The following GPR171 variants were observed in gnomAD, a reference collection of about 807,000 sequenced individuals.
GPR171 encodes the protein G protein-coupled receptor 171, also known as F730001G15Rik.
In GPR171, 14 loss-of-function variants were observed where a neutral mutation model predicts 16.7. The ratio of observed to expected loss-of-function variants is 0.84; its 90% confidence interval spans 0.55 to 1.31. The LOEUF (loss-of-function observed/expected upper bound fraction) is 1.31, where lower values mean the gene tolerates loss of function less well. Ranked by LOEUF, GPR171 falls within the 40% of genes most tolerant of loss-of-function variation. The pLI is 0.00. For synonymous variants in GPR171, 134 were observed against 135.6 expected (o/e 0.99, Z 0.08); for missense variants, 337 against 378.9 (o/e 0.89, Z 0.92).
chr3:151,199,334 G>C lies in GPR171; in HGVS notation c.53C>G (p.Thr18Arg), dbSNP rs1402399133. 1 of 1,613,076 alleles carries C rather than the reference G, an allele frequency of 6.2e-7. No individual in the cohort carries two copies. Among genetic ancestry groups the C allele is most frequent in the South Asian group, 1.1e-5 (1 of 91,060 alleles). ...AAGGAAAACTAAATAAAAAAAATACGTGAATGGCTCCAGATCTTTATAAAC... is the reference window on the plus strand; with the variant it reads ...AAGGAAAACTAAATAAAAAAAATACCTGAATGGCTCCAGATCTTTATAAAC... ...CPVYKDLEPFTYFFYLVFLVG... is the reference protein window; with the variant it reads ...CPVYKDLEPFRYFFYLVFLVG... The change falls in exon 3 of 3, where the codon ACG becomes AGG. Residue 18 changes from threonine (T) to arginine (R), a missense_variant. Physicochemically the swap from Thr to Arg is moderately conservative, Grantham distance 71. Transcript: ENST00000309180.
At chr3:151,199,490 T>A in intron 2 of GPR171, 51 bp from the exon 3 acceptor site, 1 of 1,020,480 alleles carries the variant, frequency 9.8e-7, no homozygotes. Context: ...TAGCAACTAT[T>A]TTCTTTAAAA....
rs80187285 is a variant in GPR171, at chr3:151,198,652, C to T, written c.735G>A (p.Pro245=). Residue 245 remains proline, a synonymous_variant, in exon 3 of 3, where the codon CCG becomes CCA. Transcript: ENST00000309180. ...CFVPYHIVRI[P]YTLSQTEVIT... is the part of the protein sequence containing the mutation. ...TGACTTCTGTCTGGCTGAGGGTATA[C>T]GGGATTCGGACAATGTGGTAAGGAA... is the stretch of plus-strand genomic sequence containing the variant. The T allele has an allele frequency of 1.4e-3, 2,239 of 1,613,936 alleles. 2 individuals carry two copies. Among genetic ancestry groups the T allele is most frequent in the Non-Finnish European group, 1.7e-3 (2,051 of 1,179,896 alleles).
At position 151,197,923 on chromosome 3, in the gene GPR171, A is replaced by C. The variant is rs1724896300; in HGVS notation, c.*504T>G. The C allele has an allele frequency of 6.5e-6, 1 of 152,690 alleles. No individual in the cohort carries two copies. Among genetic ancestry groups the C allele is most frequent in the South Asian group, 2.1e-4 (1 of 4,838 alleles). 9.5% of individuals were successfully genotyped at this position (152,690 alleles called of 1,614,324 possible). A position where few individuals can be genotyped will look rare whatever the true frequency, so the allele number is the denominator to read the frequency against. ...AAAAATTGGAGGAATAATGAGTTGA[A>C]AGATTACCATCTTTTGAAGTGATAG... On this transcript the variant is annotated 3_prime_UTR_variant, in exon 3 of 3. Transcript: ENST00000309180.
In GPR171 at chr3:151,198,063, A is replaced by C; in HGVS notation, c.*364T>G. On this transcript the variant is annotated 3_prime_UTR_variant, in exon 3 of 3. Transcript: ENST00000309180. Reference sequence around the variant, plus strand: ...CTTTCTGGTAACTTACATGGAAATTATTTTTTATATTTTTATCAAGAAGTC... The same window carrying C: ...CTTTCTGGTAACTTACATGGAAATTCTTTTTTATATTTTTATCAAGAAGTC... 1 of 157,428 alleles carries C rather than the reference A, an allele frequency of 6.4e-6. No individual in the cohort carries two copies. The highest frequency in any genetic ancestry group is 1.4e-5 in the Non-Finnish European group (1 of 71,606). 9.8% of individuals were successfully genotyped at this position (157,428 alleles called of 1,614,324 possible). A position where few individuals can be genotyped will look rare whatever the true frequency, so the allele number is the denominator to read the frequency against.
At position 151,198,576 on chromosome 3, in the gene GPR171, G is replaced by GT; in HGVS notation, c.810dup (p.Leu271ThrfsTer11). On this transcript the variant is annotated frameshift_variant, in exon 3 of 3. Coordinates refer to ENST00000309180, the MANE Select transcript of GPR171 (RefSeq NM_013308.4). LOFTEE classifies it high-confidence loss of function. ...CACAGGTTCGACACAGCCAGGAGCA[G>GT]TGTAGCCTCTTTGGCTTTGAAGAGT... 1 of 1,614,072 alleles carries GT rather than the reference G, an allele frequency of 6.2e-7. No individual in the cohort carries two copies. Among genetic ancestry groups the GT allele is most frequent in the Non-Finnish European group, 8.5e-7 (1 of 1,179,930 alleles).
At chr3:151,202,560 C>T (rs1323558555) in intron 1 of GPR171, among the ~76,000 whole-genome samples, 2 of 152,116 alleles carry the variant, frequency 1.3e-5, no homozygotes, top group Admixed American at 6.5e-5. Flanking sequence ...ATCCCAGCTA[C>T]TCGGGAGGCT....
At chr3:151,200,180 A>G (rs1283070104) in intron 2 of GPR171, among the ~76,000 whole-genome samples, 1 of 151,394 alleles carries the variant, frequency 6.6e-6, no homozygotes, top group Non-Finnish European at 1.5e-5. Context: ...AACTACTGTG[A>G]TCACCACTGA....
At position 151,198,506 on chromosome 3, in the gene GPR171, G is replaced by C. The variant is rs746055880; in HGVS notation, c.881C>G (p.Ser294Ter). Reference protein sequence around the residue: ...LYYHLSKAFRSKVTETFASPK... With the variant: ...LYYHLSKAFR The stretch of plus-strand genomic sequence containing the variant: ...TGAGGCAAAAGTCTCAGTGACCTTT[G>C]AGCGGAATGCTTTTGAGAGGTGATA... The change falls in exon 3 of 3, where the codon TCA becomes TGA. Residue 294 changes from serine (S) to a stop codon, truncating the protein, a stop_gained. Coordinates refer to ENST00000309180, the MANE Select transcript of GPR171 (RefSeq NM_013308.4). LOFTEE classifies it low-confidence loss of function (END_TRUNC). The C allele has an allele frequency of 1.3e-5, 21 of 1,613,568 alleles. No homozygotes were observed. Among genetic ancestry groups the C allele is most frequent in the Non-Finnish European group, 1.8e-5 (21 of 1,179,682 alleles).
Position 151,199,348 on chromosome 3 carries a change from A to G in GPR171, c.39T>C (p.Asp13=), listed in dbSNP as rs769928153. Residue 13 remains aspartate, a synonymous_variant, in exon 3 of 3, where the codon GAT becomes GAC. Coordinates refer to ENST00000309180, the MANE Select transcript of GPR171 (RefSeq NM_013308.4). ...AAAAAAAATACGTGAATGGCTCCAGATCTTTATAAACTGGGCAGAAGAACG... is the reference window on the plus strand; with the variant it reads ...AAAAAAAATACGTGAATGGCTCCAGGTCTTTATAAACTGGGCAGAAGAACG... ...NSSFFCPVYK[D]LEPFTYFFYL... The G allele has an allele frequency of 1.9e-6, 3 of 1,613,128 alleles. No homozygotes were observed. The African/African-American group carries it at 4.0e-5, about 22-fold the overall frequency.
At chr3:151,200,322 A>AT (rs1334531516) in intron 2 of GPR171, among the ~76,000 whole-genome samples, 1 of 152,202 alleles carries the variant, frequency 6.6e-6, no homozygotes, top group African/African-American at 2.4e-5. Context: ...CTAAGGGTAC[A>AT]TTAGTAATCT....
chr3:151,200,369 C>G (rs1016602722), intron 2 of GPR171, among the ~76,000 whole-genome samples: 2 of 152,126 alleles, frequency 1.3e-5, no homozygotes, highest in Admixed American at 6.5e-5. Flanking sequence ...CCCCCTTTTG[C>G]ACATTAAACA....
intron 2 of GPR171, among the ~76,000 whole-genome samples, chr3:151,199,995 A>C (rs538761184): frequency 2.5e-4 from 38 of 152,296 alleles, no homozygotes; most frequent in South Asian, 6.2e-4. Context: ...AACAAACAAA[A>C]AAACCCACAA....
intron 1 of GPR171, among the ~76,000 whole-genome samples, chr3:151,201,282 A>G (rs1449848210): frequency 6.6e-6 from 1 of 152,070 alleles, no homozygotes; most frequent in African/African-American, 2.4e-5. Flanking sequence ...AGGCCCATCC[A>G]ATAAGTTTAA....
rs114393929 is a variant in GPR171, at chr3:151,202,667, A to T, written c.-143+437T>A. On this transcript the variant is annotated intron_variant, in intron 1 of 2. Coordinates refer to ENST00000309180, the MANE Select transcript of GPR171 (RefSeq NM_013308.4). ...CCTGGGTGAAAAAGCGAGACTCCTC[A>T]AAAACAAAACAAAACAAAAACAAAA... 7.2e-3 allele frequency among the ~76,000 whole-genome samples: 1,095 copies of T among 152,352 alleles called. 17 individuals carry two copies. The highest frequency in any genetic ancestry group is 0.025 in the African/African-American group (1,045 of 41,582).
At position 151,197,977 on chromosome 3, in the gene GPR171, AT is replaced by A. The variant is rs1310428742; in HGVS notation, c.*449del. On this transcript the variant is annotated 3_prime_UTR_variant, in exon 3 of 3. Transcript: ENST00000309180. ...AGAAATAAAATAGGCACAAGTTGTT[AT>A]ATGTAAGCTGCATTTTTTAAAAGTA... The A allele has an allele frequency of 1.3e-5, 2 of 152,872 alleles. No homozygotes were observed. The highest frequency in any genetic ancestry group is 4.8e-5 in the African/African-American group (2 of 41,470). The allele number at this position is 152,872 out of a possible 1,614,324, so 9.5% of individuals were successfully genotyped here.
chr3:151,200,163 C>G (rs1056157535), intron 2 of GPR171, among the ~76,000 whole-genome samples: 4 of 144,816 alleles, frequency 2.8e-5, no homozygotes, highest in African/African-American at 1.0e-4. Context: ...ATAAGACATA[C>G]CCTTAGAACT....
chr3:151,198,632 T>A lies in GPR171; in HGVS notation c.755A>T (p.Glu252Val). The A allele has an allele frequency of 1.2e-6, 2 of 1,614,022 alleles. No homozygotes were observed. The highest frequency in any genetic ancestry group is 1.7e-6 in the Non-Finnish European group (2 of 1,179,902). ...CCTGGTTGAGCAATCAGTTATGACTTCTGTCTGGCTGAGGGTATACGGGAT... is the reference window on the plus strand; with the variant it reads ...CCTGGTTGAGCAATCAGTTATGACTACTGTCTGGCTGAGGGTATACGGGAT... ...VRIPYTLSQT[E>V]VITDCSTRIS... Residue 252 changes from glutamate (E) to valine (V), a missense_variant, in exon 3 of 3, where the codon GAA becomes GTA. Coordinates refer to ENST00000309180, the MANE Select transcript of GPR171 (RefSeq NM_013308.4).
intron 1 of GPR171, among the ~76,000 whole-genome samples, chr3:151,201,910 G>T (rs1156285290): frequency 1.3e-5 from 2 of 152,126 alleles, no homozygotes; most frequent in Admixed American, 1.3e-4. Flanking sequence ...TTCTTTAAGT[G>T]CTCCATTGCT....
chr3:151,200,303 T>C (rs1222487357), intron 2 of GPR171, among the ~76,000 whole-genome samples: 1 of 152,200 alleles, frequency 6.6e-6, no homozygotes, highest in East Asian at 1.9e-4. Flanking sequence ...CAAACTCACA[T>C]GCTTAGAGCT....
Sources: allele counts gnomAD v4.1 joint callset (sites outside exome capture counted in the v4.1 genomes callset), GRCh38; gene constraint gnomAD v4.1.1; transcripts MANE v1.5; gene names NCBI Gene and HGNC (gene_info 2026-07-23, HGNC 2026-07-21).